The following HCN1 variants were observed in gnomAD, a reference collection of about 807,000 sequenced individuals.
HCN1 encodes the protein potassium/sodium hyperpolarization-activated cyclic nucleotide-gated channel 1.
A neutral mutation model predicts 78.9 loss-of-function variants in HCN1; 13 were observed. The ratio of observed to expected loss-of-function variants is 0.16; its 90% CI spans 0.11 to 0.26. The LOEUF is 0.26. Among genes scored for constraint, HCN1 ranks in the 10% least tolerant of loss-of-function variants. The pLI is 1.00. For synonymous variants in HCN1, 552 were observed against 455.5 expected (o/e 1.21, Z -2.70); for missense variants, 810 against 1,154.3 (o/e 0.70, Z 4.32).
intron 4 of HCN1, among the ~76,000 whole-genome samples, chr5:45,389,019 A>G (rs1747988010): frequency 6.6e-6 from 1 of 152,114 alleles, no homozygotes; most frequent in Non-Finnish European, 1.5e-5. Context: ...AACATTTTTT[A>G]AAAATGGCAA....
intron 5 of HCN1, among the ~76,000 whole-genome samples, chr5:45,333,713 G>T (rs1746394597): frequency 6.6e-6 from 1 of 151,706 alleles, no homozygotes; most frequent in Non-Finnish European, 1.5e-5. Flanking sequence ...TGGATACCCA[G>T]TTTTTCCAGC....
chr5:45,554,640 C>A (rs1743435951), intron 2 of HCN1, among the ~76,000 whole-genome samples: 1 of 151,702 alleles, frequency 6.6e-6, no homozygotes. Flanking sequence ...CCTAATCCAA[C>A]CTGTGGGGAT....
At position 45,359,528 on chromosome 5, in the gene HCN1, A is replaced by G. The variant is rs149823546; in HGVS notation, c.1231-6282T>C. Among the ~76,000 whole-genome samples the G allele has an allele frequency of 2.0e-3, 303 of 152,004 alleles. 1 individual carries two copies. Among genetic ancestry groups the G allele is most frequent in the African/African-American group, 6.9e-3 (287 of 41,524 alleles). On this transcript the variant is annotated intron_variant, in intron 4 of 7. Coordinates refer to ENST00000303230, the MANE Select transcript of HCN1 (RefSeq NM_021072.4). ...TATCTATGTGTACATTGGCATCAAT[A>G]CACATCAACTACTATTTTTGTGAAA...
chr5:45,588,922 G>A (rs1302627546), intron 2 of HCN1, among the ~76,000 whole-genome samples: 3 of 152,236 alleles, frequency 2.0e-5, no homozygotes, highest in Non-Finnish European at 2.9e-5. Flanking sequence ...AGACAAGGCA[G>A]TAGCTTGAAA....
chr5:45,548,184 T>C (rs1397036887), intron 2 of HCN1, among the ~76,000 whole-genome samples: 2 of 151,976 alleles, frequency 1.3e-5, no homozygotes, highest in African/African-American at 4.8e-5. Context: ...CTGATACACA[T>C]TTCTTATCCT....
At chr5:45,375,483 TA>T (rs1245525700) in intron 4 of HCN1, among the ~76,000 whole-genome samples, 1 of 83,540 alleles carries the variant, frequency 1.2e-5, no homozygotes, top group Non-Finnish European at 1.9e-5. Flanking sequence ...GATCATATTT[TA>T]TGATACATAT....
intron 4 of HCN1, among the ~76,000 whole-genome samples, chr5:45,396,245 AT>A (rs1190468247): frequency 6.6e-6 from 1 of 152,124 alleles, no homozygotes; most frequent in Non-Finnish European, 1.5e-5. Flanking sequence ...ATATATAGCT[AT>A]TTTTTCTGTA....
At chr5:45,592,178 C>T (rs1382728937) in intron 2 of HCN1, among the ~76,000 whole-genome samples, 2 of 152,046 alleles carry the variant, frequency 1.3e-5, no homozygotes, top group Non-Finnish European at 2.9e-5. Flanking sequence ...CACTACCATA[C>T]TATATTAATT....
chr5:45,531,345 G>T lies in HCN1; in HGVS notation c.850-69338C>A, dbSNP rs187093111. On this transcript the variant is annotated intron_variant, in intron 2 of 7. Transcript: ENST00000303230. The stretch of plus-strand genomic sequence containing the variant: ...ATTGCTTAATTAATTGCTTTTGTTT[G>T]GGGCCTTGAAATAGCCTTCCCACTG... Among the ~76,000 whole-genome samples the T allele has an allele frequency of 1.7e-3, 260 of 152,078 alleles. 1 individual carries two copies. The highest frequency in any genetic ancestry group is 5.9e-3 in the African/African-American group (244 of 41,502).
chr5:45,644,435 G>C (rs1006481419), intron 2 of HCN1: 4 of 152,096 alleles, frequency 2.6e-5, no homozygotes, highest in Admixed American at 1.3e-4. Flanking sequence ...CAGATCTTTG[G>C]AAACTCCAGT....
intron 6 of HCN1, among the ~76,000 whole-genome samples, chr5:45,281,769 A>T (rs1745174649): frequency 6.7e-6 from 1 of 149,716 alleles, no homozygotes; most frequent in African/African-American, 2.5e-5. Flanking sequence ...TTTTTTTTGT[A>T]TTTTAGTAGA....
At chr5:45,534,001 T>C (rs1051048455) in intron 2 of HCN1, among the ~76,000 whole-genome samples, 2 of 152,168 alleles carry the variant, frequency 1.3e-5, no homozygotes, top group Non-Finnish European at 2.9e-5. Context: ...AGATGTATTA[T>C]CTAAAAGTTT....
Position 45,262,234 on chromosome 5 carries a change from G to C in HCN1, c.2360C>G (p.Ser787Cys). The C allele has an allele frequency of 6.2e-7, 1 of 1,614,058 alleles. No homozygotes were observed. Among genetic ancestry groups the C allele is most frequent in the Non-Finnish European group, 8.5e-7 (1 of 1,180,036 alleles). Reference protein sequence around the residue: ...TNLTREVRPLSASQPSLPHEV... With the variant: ...TNLTREVRPLCASQPSLPHEV... The stretch of plus-strand genomic sequence containing the variant: ...ATGGGGCAGCGAGGGCTGCGAGGCG[G>C]AGAGTGGCCTGACTTCCCGGGTCAG... Residue 787 changes from serine to cysteine, a missense_variant, in exon 8 of 8, where the codon TCC becomes TGC. Transcript: ENST00000303230.
chr5:45,586,217 G>A (rs1371913549), intron 2 of HCN1, among the ~76,000 whole-genome samples: 4 of 152,040 alleles, frequency 2.6e-5, no homozygotes, highest in East Asian at 1.9e-4. Context: ...CTCAAGCCTC[G>A]GCAATGGCGG....
At chr5:45,314,981 C>T (rs1439104850) in intron 5 of HCN1, among the ~76,000 whole-genome samples, 1 of 152,086 alleles carries the variant, frequency 6.6e-6, no homozygotes, top group Non-Finnish European at 1.5e-5. Context: ...TTTAACATCC[C>T]ACTGTCAACA....
intron 2 of HCN1, among the ~76,000 whole-genome samples, chr5:45,622,671 G>A (rs978764251): frequency 6.6e-6 from 1 of 151,846 alleles, no homozygotes; most frequent in South Asian, 2.1e-4. Context: ...AGATAAAAAG[G>A]AACCCATCAA....
Position 45,257,184 on chromosome 5 carries a change from TA to T in HCN1, c.*4736del, listed in dbSNP as rs1188589436. ...TGTGAATCCTCCCCGTTGATAAGCT[TA>T]AATTAAGAATATAAAGTACAACACT... is the stretch of plus-strand genomic sequence containing the variant. On this transcript the variant is annotated 3_prime_UTR_variant, in exon 8 of 8. Coordinates refer to ENST00000303230, the MANE Select transcript of HCN1 (RefSeq NM_021072.4). The T allele has an allele frequency of 6.6e-6, 1 of 152,166 alleles. No individual in the cohort carries two copies. The highest frequency in any genetic ancestry group is 3.1e-3 in the Middle Eastern group (1 of 318). 9.4% of individuals were successfully genotyped at this position (152,166 alleles called of 1,614,324 possible). A position where few individuals can be genotyped will look rare whatever the true frequency, so the allele number is the denominator to read the frequency against.
At chr5:45,528,086 T>C (rs1742776462) in intron 2 of HCN1, among the ~76,000 whole-genome samples, 2 of 152,088 alleles carry the variant, frequency 1.3e-5, no homozygotes, top group South Asian at 4.2e-4. Flanking sequence ...GTAAGTAAAT[T>C]TAGGGTAAGC....
chr5:45,594,007 GTTC>G (rs897492244), intron 2 of HCN1, among the ~76,000 whole-genome samples: 5 of 152,086 alleles, frequency 3.3e-5, no homozygotes, highest in Non-Finnish European at 7.4e-5. Flanking sequence ...GAGTACTGCT[GTTC>G]TTCTCTGGGC....
Sources: allele counts gnomAD v4.1 joint callset (sites outside exome capture counted in the v4.1 genomes callset), GRCh38; gene constraint gnomAD v4.1.1; transcripts MANE v1.5; gene names NCBI Gene and HGNC (gene_info 2026-07-23, HGNC 2026-07-21).